The following ROBO2 variants were observed in gnomAD, a reference collection of about 807,000 sequenced individuals.
ROBO2 encodes roundabout homolog 2.
In ROBO2, 53 loss-of-function variants were observed where a neutral mutation model predicts 160.8. The observed-to-expected ratio is 0.33, with a 90% CI of 0.26 to 0.41. The LOEUF is 0.41. Among genes scored for constraint, ROBO2 ranks in the 10% least tolerant of loss-of-function variants. The pLI, the probability that ROBO2 is intolerant of heterozygous loss-of-function variation, is 1.00. For missense variants in ROBO2, 1,577 were observed against 1,722.4 expected (o/e 0.92, Z 1.49); for synonymous variants, 664 against 611.7 (o/e 1.09, Z -1.26).
At chr3:77,443,872 C>T (rs949977295) in intron 2 of ROBO2, among the ~76,000 whole-genome samples, 4 of 152,052 alleles carry the variant, frequency 2.6e-5, no homozygotes, top group East Asian at 1.9e-4. Flanking sequence ...CAGCCCAGAG[C>T]CCCTCCCTCC....
chr3:76,494,840 T>C (rs1313666502), intron 2 of ROBO2, among the ~76,000 whole-genome samples: 1 of 152,158 alleles, frequency 6.6e-6, no homozygotes, highest in East Asian at 1.9e-4. Flanking sequence ...ATATTCAGAA[T>C]AGCTGAATCC....
intron 2 of ROBO2, among the ~76,000 whole-genome samples, chr3:76,749,054 CTG>C (rs1456832443): frequency 2.0e-5 from 3 of 151,612 alleles, no homozygotes; most frequent in African/African-American, 2.4e-5. Flanking sequence ...ATATATTGGA[CTG>C]TATTGTTAAA....
intron 2 of ROBO2, among the ~76,000 whole-genome samples, chr3:76,910,436 A>G (rs1469149680): frequency 6.6e-6 from 1 of 152,032 alleles, no homozygotes; most frequent in Admixed American, 6.6e-5. Context: ...TAGAAATCAT[A>G]TACATTGTTG....
chr3:77,386,703 A>T (rs755140818), intron 2 of ROBO2, among the ~76,000 whole-genome samples: 2 of 145,572 alleles, frequency 1.4e-5, no homozygotes, highest in African/African-American at 2.5e-5. Flanking sequence ...CCCAGGTTAA[A>T]GTGATTCTCG....
At chr3:76,769,086 G>A (rs74791858) in intron 2 of ROBO2, among the ~76,000 whole-genome samples, 33 of 151,454 alleles carry the variant, frequency 2.2e-4, no homozygotes, top group East Asian at 1.2e-3. Context: ...ATCCTTGGCC[G>A]TGTAGACTGC....
chr3:76,259,077 T>G (rs1481468188), intron 2 of ROBO2, among the ~76,000 whole-genome samples: 3 of 152,138 alleles, frequency 2.0e-5, no homozygotes. Context: ...ATAGTTCTTA[T>G]TTTAGACACA....
At chr3:76,145,308 G>A (rs2071842553) in intron 2 of ROBO2, among the ~76,000 whole-genome samples, 1 of 151,874 alleles carries the variant, frequency 6.6e-6, no homozygotes, top group African/African-American at 2.4e-5. Flanking sequence ...TAGAAATAAA[G>A]GCATAAAAGA....
At chr3:76,113,635 A>G (rs2070338012) in intron 2 of ROBO2, among the ~76,000 whole-genome samples, 1 of 152,136 alleles carries the variant, frequency 6.6e-6, no homozygotes, top group South Asian at 2.1e-4. Context: ...GATGAAGAGA[A>G]CCAAACTCAT....
intron 2 of ROBO2, among the ~76,000 whole-genome samples, chr3:76,357,583 A>C (rs1348144152): frequency 1.3e-5 from 2 of 151,920 alleles, no homozygotes; most frequent in Admixed American, 1.3e-4. Flanking sequence ...TATGGTGATG[A>C]AAGTGTTTTC....
chr3:77,642,910 C>T (rs191364613), intron 24 of ROBO2: 106 of 456,552 alleles, frequency 2.3e-4, no homozygotes, highest in South Asian at 3.1e-5. Flanking sequence ...AGAAGATATA[C>T]GGAAAGCCCC....
intron 2 of ROBO2, among the ~76,000 whole-genome samples, chr3:76,970,174 T>C (rs1042270751): frequency 6.6e-6 from 1 of 152,154 alleles, no homozygotes; most frequent in African/African-American, 2.4e-5. Flanking sequence ...ACTTGAAACT[T>C]GTGTTGAAAG....
intron 2 of ROBO2, among the ~76,000 whole-genome samples, chr3:76,226,286 A>G (rs934556145): frequency 6.6e-6 from 1 of 152,164 alleles, no homozygotes; most frequent in African/African-American, 2.4e-5. Flanking sequence ...CTTTACATGC[A>G]ACAAATTAAC....
rs369545817 is a variant in ROBO2 at position 77,188,949 on chromosome 3, T to TTGTGTGTGTG, written c.388+90620_388+90629dup. Among the ~76,000 whole-genome samples, 518 of 142,888 alleles carry TTGTGTGTGTG rather than the reference T, an allele frequency of 3.6e-3. 5 individuals carry two copies. The highest frequency in any genetic ancestry group is 0.012 in the African/African-American group (492 of 39,420). 93.7% of individuals were successfully genotyped at this position (142,888 alleles called of 152,430 possible). On this transcript the variant is annotated intron_variant, in intron 2 of 25. Coordinates refer to ENST00000461745, the Ensembl canonical transcript of ROBO2. ...TTGAAGCCAGATTACTTTTGTAATC[T>TTGTGTGTGTG]TGTGTGTGTGTGTGTGTGTGAGAGA...
At chr3:76,011,655 G>C (rs2066197692) in intron 2 of ROBO2, among the ~76,000 whole-genome samples, 1 of 151,832 alleles carries the variant, frequency 6.6e-6, no homozygotes, top group Non-Finnish European at 1.5e-5. Flanking sequence ...GAAGAGGGAG[G>C]GGGAACTTAA....
intron 24 of ROBO2, among the ~76,000 whole-genome samples, chr3:77,636,800 A>G (rs938808814): frequency 3.3e-5 from 5 of 152,214 alleles, no homozygotes; most frequent in African/African-American, 1.2e-4. Flanking sequence ...ACACAATATT[A>G]CTGGAAGATA....
intron 2 of ROBO2, among the ~76,000 whole-genome samples, chr3:76,035,233 T>G (rs2067067445): frequency 6.6e-6 from 1 of 151,460 alleles, no homozygotes; most frequent in Non-Finnish European, 1.5e-5. Flanking sequence ...GGACAATGTC[T>G]GGCACATATT....
chr3:76,397,462 A>G (rs2077527413), intron 2 of ROBO2, among the ~76,000 whole-genome samples: 1 of 152,068 alleles, frequency 6.6e-6, no homozygotes, highest in South Asian at 2.1e-4. Flanking sequence ...ACAAAAGTCA[A>G]AATTGACAAA....
chr3:77,077,212 C>T (rs2068106004), intron 1 of ROBO2, among the ~76,000 whole-genome samples: 2 of 152,140 alleles, frequency 1.3e-5, no homozygotes, highest in Non-Finnish European at 2.9e-5. Flanking sequence ...AAACAGAAAT[C>T]ATTACACAAA....
chr3:77,549,346 C>T (rs2092826537), intron 7 of ROBO2, among the ~76,000 whole-genome samples: 1 of 151,948 alleles, frequency 6.6e-6, no homozygotes, highest in Admixed American at 6.6e-5. Context: ...GTATCATTTT[C>T]AAGTGACTTC....
Sources: allele counts gnomAD v4.1 joint callset (sites outside exome capture counted in the v4.1 genomes callset), GRCh38; gene constraint gnomAD v4.1.1; transcripts MANE v1.5; gene names NCBI Gene and HGNC (gene_info 2026-07-23, HGNC 2026-07-21).